The following CAST variants were observed in gnomAD, a reference collection of about 807,000 sequenced individuals.
CAST encodes calpastatin.
CAST carries 76 observed loss-of-function variants against 119.6 expected under a neutral mutation model. That is an observed-to-expected ratio of 0.64 (90% CI 0.53 to 0.77). The LOEUF (loss-of-function observed/expected upper bound fraction) is 0.77, where lower values mean the gene tolerates loss of function less well. Ranked by LOEUF, CAST falls within the 30% of genes least tolerant of loss-of-function variation. CAST has a pLI of 0.00. For synonymous variants in CAST, 319 were observed against 331.6 expected (o/e 0.96, Z 0.41); for missense variants, 953 against 946.5 (o/e 1.01, Z -0.09).
chr5:95,982,063 A>G, the CAST span, among the ~76,000 whole-genome samples: 2 of 151,724 alleles, frequency 1.3e-5, no homozygotes, highest in African/African-American at 4.8e-5. Context: ...TCGATTACAT[A>G]TTATACTGTA....
the CAST span, among the ~76,000 whole-genome samples, chr5:96,045,934 G>A: frequency 1.3e-5 from 2 of 152,166 alleles, no homozygotes; most frequent in African/African-American, 4.8e-5. Flanking sequence ...AAGGGGGTAT[G>A]TTACTTTTTA....
the CAST span, among the ~76,000 whole-genome samples, chr5:96,475,371 C>T: frequency 8.5e-4 from 129 of 152,302 alleles, 1 homozygote; most frequent in African/African-American, 2.4e-3. Context: ...CTCTAAATCC[C>T]ACTAAGATTA....
At chr5:96,004,337 A>G in the CAST span, among the ~76,000 whole-genome samples, 1 of 152,232 alleles carries the variant, frequency 6.6e-6, no homozygotes, top group Non-Finnish European at 1.5e-5. Flanking sequence ...TCTATTGGTC[A>G]TAAATTTAGA....
chr5:96,469,677 G>A, the CAST span, among the ~76,000 whole-genome samples: 7 of 151,750 alleles, frequency 4.6e-5, no homozygotes, highest in East Asian at 9.7e-4. Context: ...GCACACATAC[G>A]TATATGCATA....
chr5:96,007,357 T>C, the CAST span, among the ~76,000 whole-genome samples: 1 of 152,228 alleles, frequency 6.6e-6, no homozygotes, highest in Non-Finnish European at 1.5e-5. Context: ...CTTGATTCTG[T>C]TGACTTTCAC....
the CAST span, among the ~76,000 whole-genome samples, chr5:96,068,971 A>T: frequency 6.6e-6 from 1 of 151,040 alleles, no homozygotes; most frequent in East Asian, 2.0e-4. Context: ...GTATGCGTGT[A>T]TGTATGTGTA....
intron 1 of CAST, among the ~76,000 whole-genome samples, chr5:96,620,307 A>G (rs992955148): frequency 8.2e-6 from 1 of 121,842 alleles, no homozygotes; most frequent in Non-Finnish European, 1.8e-5. Flanking sequence ...TTTTTTTGGT[A>G]TTTAATGGAC....
chr5:96,483,487 A>G, the CAST span, among the ~76,000 whole-genome samples: 5 of 152,202 alleles, frequency 3.3e-5, no homozygotes, highest in Non-Finnish European at 7.3e-5. Context: ...TTAATTCAAA[A>G]AACACTAAAT....
At chr5:96,452,458 CAAG>C in the CAST span, among the ~76,000 whole-genome samples, 83 of 151,988 alleles carry the variant, frequency 5.5e-4, no homozygotes, top group African/African-American at 1.9e-3. Flanking sequence ...TACATGGACA[CAAG>C]GAGGGGAACA....
chr5:96,147,660 A>G, the CAST span, among the ~76,000 whole-genome samples: 3 of 152,108 alleles, frequency 2.0e-5, no homozygotes, highest in Non-Finnish European at 2.9e-5. Flanking sequence ...CAAAAGAACA[A>G]ATAATTTGGT....
At chr5:95,986,643 A>T in the CAST span, among the ~76,000 whole-genome samples, 1 of 152,296 alleles carries the variant, frequency 6.6e-6, no homozygotes, top group Admixed American at 6.5e-5. Context: ...GAAACAAAAA[A>T]TAAGCCTGTC....
At chr5:95,974,789 C>T in the CAST span, among the ~76,000 whole-genome samples, 2 of 152,038 alleles carry the variant, frequency 1.3e-5, no homozygotes, top group African/African-American at 2.4e-5. Context: ...TTATGGTTTA[C>T]AACCATAAGG....
chr5:96,226,680 A>C, the CAST span, among the ~76,000 whole-genome samples: 1 of 152,070 alleles, frequency 6.6e-6, no homozygotes, highest in Non-Finnish European at 1.5e-5. Flanking sequence ...AAAAAAAATC[A>C]AATGTATTTT....
the CAST span, among the ~76,000 whole-genome samples, chr5:96,245,283 C>T: frequency 2.0e-5 from 3 of 152,166 alleles, no homozygotes; most frequent in Admixed American, 2.0e-4. Flanking sequence ...TTTAGACACA[C>T]TTGTGCAGAG....
At chr5:96,240,297 A>T in the CAST span, among the ~76,000 whole-genome samples, 3 of 151,888 alleles carry the variant, frequency 2.0e-5, no homozygotes, top group South Asian at 6.2e-4. Context: ...CAGTTCACAG[A>T]TCTGTCTCCC....
chr5:96,647,938 C>G (rs1174272279), intron 1 of CAST, among the ~76,000 whole-genome samples: 2 of 152,170 alleles, frequency 1.3e-5, no homozygotes, highest in Admixed American at 6.5e-5. Context: ...GAAAAAGACT[C>G]CAGTTCAAAA....
the CAST span, among the ~76,000 whole-genome samples, chr5:96,413,186 A>C: frequency 1.5e-4 from 23 of 152,208 alleles, no homozygotes; most frequent in Non-Finnish European, 2.8e-4. Flanking sequence ...CTTCTAAATA[A>C]TCTCAAGGAT....
the CAST span, chr5:96,423,478 G>A: frequency 2.1e-5 from 34 of 1,612,590 alleles, no homozygotes; most frequent in African/African-American, 1.6e-4. Context: ...GAAAAACAAC[G>A]AAGCATTGAT....
At chr5:96,685,950 T>C (rs1304877684) in intron 2 of CAST, among the ~76,000 whole-genome samples, 3 of 152,240 alleles carry the variant, frequency 2.0e-5, no homozygotes, top group East Asian at 1.9e-4. Flanking sequence ...TCTTTATTTC[T>C]TTTTTCTTTC....
Sources: allele counts gnomAD v4.1 joint callset (sites outside exome capture counted in the v4.1 genomes callset), GRCh38; gene constraint gnomAD v4.1.1; transcripts MANE v1.5; gene names NCBI Gene and HGNC (gene_info 2026-07-23, HGNC 2026-07-21).